PCDH11X: variants seen among roughly 807,000 people sequenced by gnomAD.
PCDH11X encodes protocadherin 11 X-linked, also known as protocadherin-11 X-linked.
Under a neutral mutation model 53.3 loss-of-function variants are expected in PCDH11X, and 18 were observed. The ratio of observed to expected loss-of-function variants is 0.34; its 90% CI spans 0.23 to 0.50. The LOEUF (loss-of-function observed/expected upper bound fraction) is 0.50. Ranked by LOEUF, PCDH11X falls within the 20% of genes least tolerant of loss-of-function variation. PCDH11X has a pLI of 0.98. For synonymous variants in PCDH11X, 279 were observed against 393.3 expected (o/e 0.71, Z 3.44); for missense variants, 570 against 1,032.4 (o/e 0.55, Z 6.14).
intron 7 of PCDH11X, among the ~76,000 whole-genome samples, chrX:92,232,407 C>T (rs1259979716): frequency 1.8e-5 from 2 of 111,622 alleles, no homozygotes; most frequent in Non-Finnish European, 3.8e-5. Context: ...TTGTTGATTT[C>T]GTATTTTCCC....
intron 10 of PCDH11X, among the ~76,000 whole-genome samples, chrX:92,480,077 CTG>C (rs772467546): frequency 4.5e-5 from 5 of 111,153 alleles, no homozygotes; most frequent in African/African-American, 1.6e-4. Flanking sequence ...TCTTGTCTGA[CTG>C]TATTATTTTA....
intron 6 of PCDH11X, among the ~76,000 whole-genome samples, chrX:92,143,520 A>G (rs1411236744): frequency 8.9e-6 from 1 of 112,697 alleles, no homozygotes; most frequent in African/African-American, 3.2e-5. Flanking sequence ...CGGAAGCCCC[A>G]AGCCTTGGCA....
At chrX:92,287,128 A>G (rs1248758253) in intron 8 of PCDH11X, among the ~76,000 whole-genome samples, 1 of 111,833 alleles carries the variant, frequency 8.9e-6, no homozygotes, top group Non-Finnish European at 1.9e-5. Flanking sequence ...AGTAAAAAAC[A>G]GAATGTGAAA....
intron 10 of PCDH11X, among the ~76,000 whole-genome samples, chrX:92,587,473 G>A (rs1242104934): frequency 1.4e-3 from 158 of 109,220 alleles, no homozygotes; most frequent in African/African-American, 5.0e-3. Context: ...TTAAAAATGT[G>A]ATTTAATAGA....
chrX:92,165,491 C>A (rs1603091769), intron 6 of PCDH11X, among the ~76,000 whole-genome samples: 1 of 111,842 alleles, frequency 8.9e-6, no homozygotes, highest in African/African-American at 3.2e-5. Context: ...TGCTCTATTA[C>A]ATACATAAGT....
intron 6 of PCDH11X, among the ~76,000 whole-genome samples, chrX:92,100,865 T>TC (rs2064233975): frequency 9.1e-6 from 1 of 110,137 alleles, no homozygotes; most frequent in African/African-American, 3.3e-5. Flanking sequence ...TGAAGGAAGA[T>TC]TTGTGGTAAG....
At chrX:92,278,841 C>T (rs2068177514) in intron 8 of PCDH11X, among the ~76,000 whole-genome samples, 3 of 71,461 alleles carry the variant, frequency 4.2e-5, no homozygotes, top group South Asian at 9.3e-4. Context: ...GATGGAGTTT[C>T]ACTGTTGTTG....
chrX:92,133,436 A>G (rs112142763), intron 6 of PCDH11X, among the ~76,000 whole-genome samples: 3,357 of 111,222 alleles, frequency 0.03, 142 homozygotes, highest in African/African-American at 0.1. Context: ...GGACAACCTC[A>G]GCTCACCACA....
intron 6 of PCDH11X, among the ~76,000 whole-genome samples, chrX:92,142,380 A>G (rs1234327008): frequency 1.8e-5 from 2 of 108,525 alleles, no homozygotes; most frequent in African/African-American, 3.4e-5. Flanking sequence ...GCACACACAC[A>G]CACACACACA....
intron 7 of PCDH11X, among the ~76,000 whole-genome samples, chrX:92,254,379 C>A (rs1003698950): frequency 9.0e-6 from 1 of 110,888 alleles, no homozygotes; most frequent in South Asian, 3.9e-4. Flanking sequence ...ACTGATGGGT[C>A]TTGACTCTTT....
At chrX:92,549,292 T>G in intron 10 of PCDH11X, among the ~76,000 whole-genome samples, 2 of 107,608 alleles carry the variant, frequency 1.9e-5, no homozygotes. Context: ...AGCACTCATT[T>G]ATAATTTCGT....
At chrX:92,513,650 CT>C (rs199573912) in intron 10 of PCDH11X, among the ~76,000 whole-genome samples, 5,044 of 110,187 alleles carry the variant, frequency 0.046, 90 homozygotes, top group South Asian at 0.11. Context: ...TTCATTTAAA[CT>C]TTTCAATTTG....
intron 6 of PCDH11X, among the ~76,000 whole-genome samples, chrX:92,093,175 G>A (rs1284673609): frequency 9.0e-6 from 1 of 111,355 alleles, no homozygotes; most frequent in Non-Finnish European, 1.9e-5. Flanking sequence ...CCCAGTATCA[G>A]GTATTTCTTC....
intron 8 of PCDH11X, among the ~76,000 whole-genome samples, chrX:92,274,216 G>A (rs1038906069): frequency 9.1e-6 from 1 of 109,586 alleles, no homozygotes; most frequent in African/African-American, 3.4e-5. Context: ...AGAAGCGAAA[G>A]TGGTAAAAGT....
intron 8 of PCDH11X, 40 bp downstream of exon 8, chrX:92,263,183 TTG>T (rs2067756301): frequency 1.8e-6 from 2 of 1,114,912 alleles, no homozygotes; most frequent in Non-Finnish European, 2.4e-6. Flanking sequence ...TTTTGAAATG[TTG>T]TGTTTATACT....
intron 1 of PCDH11X, among the ~76,000 whole-genome samples, chrX:91,808,993 A>G (rs1936211884): frequency 9.5e-6 from 1 of 105,360 alleles, no homozygotes; most frequent in African/African-American, 3.6e-5. Context: ...TTTGTAATTA[A>G]AGTTTATCGC....
intron 8 of PCDH11X, among the ~76,000 whole-genome samples, chrX:92,385,919 T>A (rs191728435): frequency 9.0e-6 from 1 of 111,676 alleles, no homozygotes; most frequent in African/African-American, 3.3e-5. Flanking sequence ...ATTCAGTTTA[T>A]TTTCTGCTCG....
chrX:92,059,983 T>G (rs1186957772), intron 6 of PCDH11X, among the ~76,000 whole-genome samples: 1 of 111,054 alleles, frequency 9.0e-6, no homozygotes, highest in East Asian at 2.8e-4. Context: ...ATTTAATATG[T>G]AGGTGCTTTC....
At chrX:92,595,041 C>T (rs931392476) in intron 10 of PCDH11X, among the ~76,000 whole-genome samples, 5 of 110,327 alleles carry the variant, frequency 4.5e-5, no homozygotes, top group Admixed American at 9.7e-5. Context: ...TGCATAAGTT[C>T]GATAAGAATC....
Sources: gnomAD v4.1 joint callset for allele counts (sites outside exome capture counted in the v4.1 genomes callset) on GRCh38, gnomAD v4.1.1 for gene constraint, MANE v1.5 for transcripts, NCBI Gene and HGNC (gene_info 2026-07-23, HGNC 2026-07-21) for gene names.